TMEM132B: variants seen among roughly 807,000 people sequenced by gnomAD.
TMEM132B encodes transmembrane protein 132B.
Under a neutral mutation model 90.8 loss-of-function variants are expected in TMEM132B, and 18 were observed. That is an observed-to-expected ratio of 0.20 (90% CI 0.14 to 0.29). The LOEUF is 0.29. TMEM132B is among the 10% of genes least tolerant of loss of function. The probability of loss-of-function intolerance (pLI) is 1.00; values close to 1 mark genes in which losing one functional copy is unlikely to be tolerated. For synonymous variants in TMEM132B, 504 were observed against 523.3 expected (o/e 0.96, Z 0.50); for missense variants, 1,096 against 1,326.8 (o/e 0.83, Z 2.70).
At chr12:125,335,045 G>A (rs424934) in intron 1 of TMEM132B, among the ~76,000 whole-genome samples, 2,976 of 152,290 alleles carry the variant, frequency 0.02, 100 homozygotes, top group African/African-American at 0.067. Context: ...CAGATTAGCC[G>A]TTCAGCGAAT....
intron 4 of TMEM132B, among the ~76,000 whole-genome samples, chr12:125,521,458 T>C: frequency 6.6e-6 from 1 of 152,036 alleles, no homozygotes; most frequent in African/African-American, 2.4e-5. Flanking sequence ...ATTTTCAGAG[T>C]CTGATGTGAA....
chr12:125,489,765 C>T lies in TMEM132B; in HGVS notation c.1107-29674C>T, dbSNP rs1222434659. 5.3e-5 allele frequency among the ~76,000 whole-genome samples: 8 copies of T among 152,072 alleles called. No individual in the cohort carries two copies. In the East Asian group the frequency reaches 1.5e-3, roughly 29 times the overall value. On this transcript the variant is annotated intron_variant, in intron 3 of 8. Coordinates refer to ENST00000682704, the MANE Select transcript of TMEM132B (RefSeq NM_001366854.1). ...AAGCTGGGAGTTTTGATATCTGGAT[C>T]AATTCTCCTGTAATATCACATTAAA...
Position 125,415,605 on chromosome 12 carries a change from A to G in TMEM132B, c.1034A>G (p.Glu345Gly). The G allele has an allele frequency of 6.2e-7, 1 of 1,614,202 alleles. No individual in the cohort carries two copies. The highest frequency in any genetic ancestry group is 8.5e-7 in the Non-Finnish European group (1 of 1,180,038). ...SSEDQWAVQE[E>G]IDNGSTQTSA... ...GAGGACCAATGGGCAGTCCAGGAGG[A>G]AATTGATAATGGCAGCACTCAGACG... The change falls in exon 3 of 9, where the codon GAA becomes GGA. Residue 345 changes from glutamate to glycine, a missense_variant. Physicochemically the swap from Glu to Gly is moderately conservative, Grantham distance 98. Coordinates refer to ENST00000682704, the MANE Select transcript of TMEM132B (RefSeq NM_001366854.1). This position sits in a 1 kb window ranked among gnomAD's most constrained non-coding sequence, Gnocchi z 5.3.
chr12:125,231,237 G>A (rs10732576), intron 1 of TMEM132B, among the ~76,000 whole-genome samples: 91,719 of 148,570 alleles, frequency 0.62, 29,486 homozygotes, highest in Middle Eastern at 0.76. Flanking sequence ...GTGTGTGTGT[G>A]TATATCTGTG....
At chr12:125,238,347 C>T (rs1477978155) in intron 1 of TMEM132B, among the ~76,000 whole-genome samples, 6 of 130,320 alleles carry the variant, frequency 4.6e-5, no homozygotes, top group East Asian at 2.1e-4. Flanking sequence ...AGCAAGACTC[C>T]GTCTCAAAAA....
intron 2 of TMEM132B, among the ~76,000 whole-genome samples, chr12:125,363,123 G>T (rs1295293610): frequency 6.6e-6 from 1 of 152,158 alleles, no homozygotes; most frequent in Non-Finnish European, 1.5e-5. Flanking sequence ...AGAGCTTGGA[G>T]CCTGGAGCCA....
At chr12:125,427,425 G>A (rs1880350538) in intron 3 of TMEM132B, among the ~76,000 whole-genome samples, 1 of 152,236 alleles carries the variant, frequency 6.6e-6, no homozygotes, top group South Asian at 2.1e-4. Flanking sequence ...TAGGACTGGT[G>A]GACCTGGGAT....
rs568855763 is a variant in TMEM132B at position 125,644,055 on chromosome 12, G to A, written c.1438-21G>A. On this transcript the variant is annotated intron_variant, in intron 5 of 8. Coordinates refer to ENST00000682704, the MANE Select transcript of TMEM132B (RefSeq NM_001366854.1). ...TGCTTTTCCTACTGATGCATCTCAA[G>A]GTTCTACCTCCTTCCCAAAGGTTTC... is the stretch of plus-strand genomic sequence containing the variant. The A allele has an allele frequency of 1.9e-6, 3 of 1,610,884 alleles. No homozygotes were observed. In the African/African-American group the frequency reaches 4.0e-5, roughly 22 times the overall value.
chr12:125,614,268 C>T (rs1048584464), intron 5 of TMEM132B, among the ~76,000 whole-genome samples: 1 of 152,164 alleles, frequency 6.6e-6, no homozygotes, highest in Non-Finnish European at 1.5e-5. Flanking sequence ...CCCATCCTCT[C>T]ACCCTCTACT....
At position 125,657,381 on chromosome 12, in the gene TMEM132B, G is replaced by GCCAGA. The variant is rs1430846669; in HGVS notation, c.*2673_*2677dup. The stretch of plus-strand genomic sequence containing the variant: ...TGTGTGTGTGTGTGAATACTGAAGA[G>GCCAGA]CCAGACAACAAACTATTTAGTAAGA... On this transcript the variant is annotated 3_prime_UTR_variant, in exon 9 of 9. Coordinates refer to ENST00000682704, the MANE Select transcript of TMEM132B (RefSeq NM_001366854.1). The GCCAGA allele has an allele frequency of 6.6e-6, 1 of 151,762 alleles. No individual in the cohort carries two copies. Among genetic ancestry groups the GCCAGA allele is most frequent in the Non-Finnish European group, 1.5e-5 (1 of 68,034 alleles). 9.4% of individuals were successfully genotyped at this position (151,762 alleles called of 1,614,324 possible).
Position 125,359,012 on chromosome 12 carries a change from T to C in TMEM132B, c.959+8669T>C, listed in dbSNP as rs553053884. On this transcript the variant is annotated intron_variant, in intron 2 of 8. Transcript: ENST00000682704. Reference sequence around the variant, plus strand: ...GGCAAAGGAGCAAACATAAAAGCCATGTTTGCTCATTTCTACTTGCCAGCA... The same window carrying C: ...GGCAAAGGAGCAAACATAAAAGCCACGTTTGCTCATTTCTACTTGCCAGCA... Among the ~76,000 whole-genome samples the C allele has an allele frequency of 4.6e-5, 7 of 152,346 alleles. No homozygotes were observed. In the East Asian group the frequency reaches 1.2e-3, roughly 25 times the overall value.
chr12:125,553,674 T>C (rs1223096256), intron 4 of TMEM132B, among the ~76,000 whole-genome samples: 1 of 146,532 alleles, frequency 6.8e-6, no homozygotes, highest in East Asian at 2.0e-4. Flanking sequence ...ATGAATCACA[T>C]AGGGAGAATA....
At chr12:125,298,746 A>C (rs375815577) in intron 1 of TMEM132B, among the ~76,000 whole-genome samples, 16 of 119,082 alleles carry the variant, frequency 1.3e-4, no homozygotes, top group African/African-American at 4.8e-4. Context: ...TTTTCTTTTT[A>C]TTTTTGAGAC....
intron 1 of TMEM132B, among the ~76,000 whole-genome samples, chr12:125,206,341 T>C (rs1873185786): frequency 6.6e-6 from 1 of 150,488 alleles, no homozygotes; most frequent in African/African-American, 2.4e-5. Context: ...CGGGTTCACA[T>C]GATTCTCCTG....
intron 2 of TMEM132B, among the ~76,000 whole-genome samples, chr12:125,394,325 C>T (rs1879111826): frequency 6.6e-6 from 1 of 152,182 alleles, no homozygotes; most frequent in Non-Finnish European, 1.5e-5. Flanking sequence ...CTTCTTCTAA[C>T]AATAGAAGTG....
In TMEM132B at chr12:125,569,310, A is replaced by G. The variant is rs115296335; in HGVS notation, c.1294-14541A>G. ...TGGATATTATCGCCCCACCTTACAG[A>G]AAAGATTATTGCTGGCCCAGGGTCA... is the stretch of plus-strand genomic sequence containing the variant. On this transcript the variant is annotated intron_variant, in intron 4 of 8. Coordinates refer to ENST00000682704, the MANE Select transcript of TMEM132B (RefSeq NM_001366854.1). 1.6e-3 allele frequency among the ~76,000 whole-genome samples: 241 copies of G among 152,160 alleles called. 1 individual carries two copies. The highest frequency in any genetic ancestry group is 5.6e-3 in the African/African-American group (231 of 41,500).
intron 3 of TMEM132B, among the ~76,000 whole-genome samples, chr12:125,450,826 GGA>G (rs1172212730): frequency 1.3e-5 from 2 of 152,148 alleles, no homozygotes; most frequent in Admixed American, 1.3e-4. Flanking sequence ...AGGGGCACAT[GGA>G]CACCCATTGC....
rs558522331 is a variant in TMEM132B at position 125,246,755 on chromosome 12, C to G, written c.67+59889C>G. Among the ~76,000 whole-genome samples, 1 of 152,120 alleles carries G rather than the reference C, an allele frequency of 6.6e-6. No homozygotes were observed. Among genetic ancestry groups the G allele is most frequent in the East Asian group, 1.9e-4 (1 of 5,196 alleles). On this transcript the variant is annotated intron_variant, in intron 1 of 8. Coordinates refer to ENST00000682704, the MANE Select transcript of TMEM132B (RefSeq NM_001366854.1). The surrounding 1 kb of genome is among the most constrained non-coding windows in gnomAD (Gnocchi z 4.2). ...GGCTTTCAGGCACCTATCTTCTCAC[C>G]CTTTGTTCCTGTGGACAGAAGTGAT...
chr12:125,639,051 A>G (rs183495469), intron 5 of TMEM132B, among the ~76,000 whole-genome samples: 18 of 152,242 alleles, frequency 1.2e-4, no homozygotes, highest in East Asian at 5.8e-4. Context: ...TTGGTTTTCA[A>G]TGTTCCTCTT....
Sources: allele counts gnomAD v4.1 joint callset (sites outside exome capture counted in the v4.1 genomes callset), GRCh38; gene constraint gnomAD v4.1.1; non-coding constraint Gnocchi (gnomAD v3.1); transcripts MANE v1.5; gene names NCBI Gene and HGNC (gene_info 2026-07-23, HGNC 2026-07-21).